Variants in CNTNAP2 observed in about 807,000 individuals in gnomAD.
CNTNAP2 encodes the protein contactin associated protein 2.
A neutral mutation model predicts 155.2 loss-of-function variants in CNTNAP2; 98 were observed. The observed-to-expected ratio is 0.63, with a 90% CI of 0.54 to 0.75. The LOEUF is 0.75. Ranked by LOEUF, CNTNAP2 falls within the 30% of genes least tolerant of loss-of-function variation. The pLI is 0.00. For synonymous variants in CNTNAP2, 651 were observed against 631.2 expected (o/e 1.03, Z -0.47); for missense variants, 1,727 against 1,688.1 (o/e 1.02, Z -0.40).
chr7:146,390,448 G>T lies in CNTNAP2; in HGVS notation c.97+273475G>T, dbSNP rs557430006. Among the ~76,000 whole-genome samples the T allele has an allele frequency of 9.2e-4, 139 of 151,622 alleles. 1 individual carries two copies. Among genetic ancestry groups the T allele is most frequent in the Non-Finnish European group, 2.7e-4 (18 of 67,918 alleles). The stretch of plus-strand genomic sequence containing the variant: ...AACATAAACCGAATCTAATCAGGAG[G>T]AAAAAATCAGACAAGTTCAGATTGT... On this transcript the variant is annotated intron_variant, in intron 1 of 23. Coordinates refer to ENST00000361727, the MANE Select transcript of CNTNAP2 (RefSeq NM_014141.6).
At chr7:147,235,680 A>G (rs929837213) in intron 8 of CNTNAP2, among the ~76,000 whole-genome samples, 1 of 152,116 alleles carries the variant, frequency 6.6e-6, no homozygotes, top group Admixed American at 6.5e-5. Flanking sequence ...GATTTAACCC[A>G]TGGGAGCCCC....
At chr7:148,177,411 C>T (rs1794956587) in intron 18 of CNTNAP2, among the ~76,000 whole-genome samples, 1 of 152,154 alleles carries the variant, frequency 6.6e-6, no homozygotes, top group Admixed American at 6.5e-5. Context: ...CTACCAGAGG[C>T]TAGAAGAGTG....
At chr7:147,332,126 A>G (rs1287311084) in intron 9 of CNTNAP2, among the ~76,000 whole-genome samples, 1 of 152,184 alleles carries the variant, frequency 6.6e-6, no homozygotes, top group African/African-American at 2.4e-5. Flanking sequence ...AAAGCTGCTC[A>G]AATACAATGT....
At chr7:148,165,722 C>T (rs955501463) in intron 17 of CNTNAP2, among the ~76,000 whole-genome samples, 1 of 151,996 alleles carries the variant, frequency 6.6e-6, no homozygotes. Context: ...TCTTTGTGAC[C>T]ACAGTTCATG....
intron 13 of CNTNAP2, among the ~76,000 whole-genome samples, chr7:147,666,965 T>C (rs1052474828): frequency 6.6e-6 from 1 of 152,194 alleles, no homozygotes. Flanking sequence ...ATATCAGATA[T>C]GGAGAAACTT....
intron 1 of CNTNAP2, among the ~76,000 whole-genome samples, chr7:146,434,300 A>G (rs1474445441): frequency 1.3e-5 from 2 of 152,128 alleles, no homozygotes; most frequent in African/African-American, 2.4e-5. Flanking sequence ...AATTTCTAAG[A>G]GGCAATCTTA....
intron 3 of CNTNAP2, among the ~76,000 whole-genome samples, chr7:146,995,107 G>A (rs1798282195): frequency 6.6e-6 from 1 of 151,984 alleles, no homozygotes; most frequent in Non-Finnish European, 1.5e-5. Context: ...TGTGTGCCTA[G>A]CTTATGTCAC....
intron 3 of CNTNAP2, among the ~76,000 whole-genome samples, chr7:146,943,943 T>C (rs1385400543): frequency 6.6e-6 from 1 of 152,232 alleles, no homozygotes; most frequent in Non-Finnish European, 1.5e-5. Context: ...ATAAAGTTAT[T>C]ACTATAGTTT....
intron 9 of CNTNAP2, among the ~76,000 whole-genome samples, chr7:147,310,140 A>C (rs563033180): frequency 6.6e-6 from 1 of 152,260 alleles, no homozygotes; most frequent in African/African-American, 2.4e-5. Flanking sequence ...CCCACAAGTA[A>C]AATTTGATTA....
chr7:147,321,680 T>C (rs1563159886), intron 9 of CNTNAP2, among the ~76,000 whole-genome samples: 1 of 152,168 alleles, frequency 6.6e-6, no homozygotes, highest in East Asian at 1.9e-4. Flanking sequence ...TCTCTTAACA[T>C]GGAAAGTCTC....
intron 4 of CNTNAP2, among the ~76,000 whole-genome samples, chr7:147,064,969 C>T (rs554328510): frequency 4.5e-4 from 68 of 152,196 alleles, no homozygotes; most frequent in African/African-American, 1.5e-3. Flanking sequence ...AAATAAAATG[C>T]TGAGTATTTA....
Position 146,683,022 on chromosome 7 carries a change from C to T in CNTNAP2, c.98-91249C>T, listed in dbSNP as rs76509779. Reference sequence around the variant, plus strand: ...TTCCTGTGTTTGTATACATATATAACATTGTATATAAAGTCTTTTTCTTTT... The same window carrying T: ...TTCCTGTGTTTGTATACATATATAATATTGTATATAAAGTCTTTTTCTTTT... On this transcript the variant is annotated intron_variant, in intron 1 of 23. Coordinates refer to ENST00000361727, the MANE Select transcript of CNTNAP2 (RefSeq NM_014141.6). Among the ~76,000 whole-genome samples the T allele has an allele frequency of 4.2e-3, 633 of 152,052 alleles. 1 individual carries two copies. The highest frequency in any genetic ancestry group is 0.015 in the African/African-American group (606 of 41,344).
At chr7:147,082,592 G>A (rs1800158928) in intron 4 of CNTNAP2, 1 of 152,058 alleles carries the variant, frequency 6.6e-6, no homozygotes, top group Non-Finnish European at 1.5e-5. Context: ...TTACTTCCTC[G>A]CCCCTAGACA....
rs144058716 is a variant in CNTNAP2 at position 146,710,386 on chromosome 7, C to G, written c.98-63885C>G. On this transcript the variant is annotated intron_variant, in intron 1 of 23. Transcript: ENST00000361727. ...TATAGGACAAGAGGCCTGACTGTTT[C>G]CTATTCTCATCCCTTCATTCTTGTT... Among the ~76,000 whole-genome samples the G allele has an allele frequency of 6.6e-5, 10 of 152,244 alleles. No homozygotes were observed. The East Asian group carries it at 1.9e-3, about 29-fold the overall frequency.
At chr7:146,602,007 G>C (rs150509144) in intron 1 of CNTNAP2, among the ~76,000 whole-genome samples, 19 of 152,120 alleles carry the variant, frequency 1.2e-4, no homozygotes, top group African/African-American at 3.9e-4. Context: ...TTCAAAACAA[G>C]AATCCACAAA....
chr7:146,646,361 T>C (rs994894323), intron 1 of CNTNAP2, among the ~76,000 whole-genome samples: 4 of 152,176 alleles, frequency 2.6e-5, no homozygotes, highest in Non-Finnish European at 4.4e-5. Flanking sequence ...TTTATGTGTA[T>C]ATAAATTAGA....
intron 1 of CNTNAP2, among the ~76,000 whole-genome samples, chr7:146,167,958 C>A (rs1798337067): frequency 6.6e-6 from 1 of 152,050 alleles, no homozygotes; most frequent in Non-Finnish European, 1.5e-5. Context: ...GTGTTTCAGT[C>A]CAAGAGTTGA....
chr7:147,504,823 C>CATAT (rs1554399313), intron 11 of CNTNAP2, among the ~76,000 whole-genome samples: 3 of 107,472 alleles, frequency 2.8e-5, no homozygotes, highest in African/African-American at 3.2e-5. Flanking sequence ...AAACTATATT[C>CATAT]ATATATATAT....
intron 11 of CNTNAP2, among the ~76,000 whole-genome samples, chr7:147,494,579 G>A (rs1798666648): frequency 6.6e-6 from 1 of 151,888 alleles, no homozygotes. Flanking sequence ...GCCAGTGCTA[G>A]GTCTTGAGGG....
Sources: allele counts gnomAD v4.1 joint callset (sites outside exome capture counted in the v4.1 genomes callset), GRCh38; gene constraint gnomAD v4.1.1; transcripts MANE v1.5; gene names NCBI Gene and HGNC (gene_info 2026-07-23, HGNC 2026-07-21).